COL21A1: variants seen among roughly 807,000 people sequenced by gnomAD.
The protein encoded by COL21A1 is collagen type XXI alpha 1 chain.
Under a neutral mutation model 137.9 loss-of-function variants are expected in COL21A1, and 149 were observed. The ratio of observed to expected loss-of-function variants is 1.08; its 90% CI spans 0.95 to 1.24. COL21A1 has a LOEUF of 1.24. Among genes scored for constraint, COL21A1 ranks in the 50% most tolerant of loss-of-function variants. COL21A1 has a pLI of 0.00. For missense variants in COL21A1, 1,167 were observed against 1,158.4 expected (o/e 1.01, Z -0.11); for synonymous variants, 456 against 391.5 (o/e 1.16, Z -1.95).
At chr6:56,266,565 A>G (rs1222063508) in intron 1 of COL21A1, among the ~76,000 whole-genome samples, 3 of 152,234 alleles carry the variant, frequency 2.0e-5, no homozygotes, top group Admixed American at 6.5e-5. Flanking sequence ...CTCCTGCTAG[A>G]TGCAATGCAA....
intron 1 of COL21A1, among the ~76,000 whole-genome samples, chr6:56,291,977 T>C (rs945619436): frequency 2.0e-5 from 3 of 152,122 alleles, no homozygotes; most frequent in Admixed American, 2.0e-4. Flanking sequence ...GAGACCAGCC[T>C]GGCCAACGTA....
intron 17 of COL21A1, among the ~76,000 whole-genome samples, chr6:56,090,156 T>C (rs548158579): frequency 6.6e-6 from 1 of 152,264 alleles, no homozygotes; most frequent in East Asian, 1.9e-4. Flanking sequence ...GGAGAATTGC[T>C]TGAACCCAGG....
In COL21A1 at chr6:56,126,118, A is replaced by T. The variant is rs1382522827; in HGVS notation, c.1574T>A (p.Leu525His). Residue 525 changes from leucine (L) to histidine (H), a missense_variant, in exon 13 of 30, where the codon CTT becomes CAT. Coordinates refer to ENST00000244728, the MANE Select transcript of COL21A1 (RefSeq NM_030820.4). Reference protein sequence around the residue: ...GDRGLPGFPGLHGMPGSKGEM... With the variant: ...GDRGLPGFPGHHGMPGSKGEM... Reference sequence around the variant, plus strand: ...AACCTTTGATCCTGGCATGCCATGAAGCCCAGGAAAACCAGGAAGTCCACG... The same window carrying T: ...AACCTTTGATCCTGGCATGCCATGATGCCCAGGAAAACCAGGAAGTCCACG... 2 of 1,549,024 alleles carry T rather than the reference A, an allele frequency of 1.3e-6. No individual in the cohort carries two copies. Among genetic ancestry groups the T allele is most frequent in the Non-Finnish European group, 1.7e-6 (2 of 1,145,694 alleles).
At chr6:56,165,805 A>G (rs1776529238) in intron 7 of COL21A1, among the ~76,000 whole-genome samples, 1 of 152,056 alleles carries the variant, frequency 6.6e-6, no homozygotes, top group African/African-American at 2.4e-5. Context: ...GTTGACTCAA[A>G]TATCACTGGG....
chr6:56,125,267 C>A (rs1015176568), intron 14 of COL21A1: 3 of 179,292 alleles, frequency 1.7e-5, no homozygotes, highest in Non-Finnish European at 3.5e-5. Context: ...CATCCACCCC[C>A]CTCGGCCTCC....
At chr6:56,133,737 G>C (rs62413468) in intron 12 of COL21A1, among the ~76,000 whole-genome samples, 10,895 of 152,204 alleles carry the variant, frequency 0.072, 428 homozygotes, top group Middle Eastern at 0.12. Flanking sequence ...GGTACCCTAC[G>C]TTCTAGCCAC....
chr6:56,337,848 C>G (rs1438517013), intron 1 of COL21A1, among the ~76,000 whole-genome samples: 1 of 152,126 alleles, frequency 6.6e-6, no homozygotes, highest in Non-Finnish European at 1.5e-5. Flanking sequence ...CTTACCTAGA[C>G]CAGATCGATT....
intron 9 of COL21A1, among the ~76,000 whole-genome samples, chr6:56,158,138 C>T (rs878863591): frequency 6.6e-6 from 1 of 151,506 alleles, no homozygotes; most frequent in Non-Finnish European, 1.5e-5. Flanking sequence ...TCTCTGAATT[C>T]GTGAAGTCTA....
chr6:56,321,644 C>T (rs1477836462), intron 1 of COL21A1, among the ~76,000 whole-genome samples: 1 of 152,156 alleles, frequency 6.6e-6, no homozygotes, highest in African/African-American at 2.4e-5. Flanking sequence ...ACAACACATT[C>T]GGCCCAGAAA....
intron 1 of COL21A1, among the ~76,000 whole-genome samples, chr6:56,371,504 C>G (rs994669476): frequency 6.6e-6 from 1 of 152,178 alleles, no homozygotes. Flanking sequence ...AAGTTCCCCC[C>G]ATTCACGTGG....
At chr6:56,226,057 A>T (rs551640502) in intron 1 of COL21A1, 1 of 152,240 alleles carries the variant, frequency 6.6e-6, no homozygotes, top group South Asian at 2.1e-4. Context: ...CTTCCCAAGA[A>T]TAAGAGTACA....
At position 56,070,787 on chromosome 6, in the gene COL21A1, AC is replaced by A. The variant is rs746004870; in HGVS notation, c.1976del (p.Gly659ValfsTer101). 1.3e-6 allele frequency: 2 copies of A among 1,594,522 alleles called. No homozygotes were observed. Among genetic ancestry groups the A allele is most frequent in the Non-Finnish European group, 1.7e-6 (2 of 1,173,468 alleles). ...CAGGCATCCCTTGAATTCCAGGTTCACCTTTGCTTCCCTGTCAACACATCAA... is the reference window on the plus strand; with the variant it reads ...CAGGCATCCCTTGAATTCCAGGTTCACTTTGCTTCCCTGTCAACACATCAA... ...PGTPGSKGSK[G>X]EPGIQGMPGA... On this transcript the variant is annotated frameshift_variant, in exon 21 of 30. Coordinates refer to ENST00000244728, the MANE Select transcript of COL21A1 (RefSeq NM_030820.4). LOFTEE classifies it high-confidence loss of function.
intron 1 of COL21A1, among the ~76,000 whole-genome samples, chr6:56,203,188 AC>A (rs771947795): frequency 6.6e-4 from 100 of 152,262 alleles, no homozygotes; most frequent in African/African-American, 1.7e-3. Flanking sequence ...CAACTATCTA[AC>A]CTTCCAATTC....
chr6:56,118,619 T>C (rs1044274843), intron 16 of COL21A1, among the ~76,000 whole-genome samples: 2 of 151,748 alleles, frequency 1.3e-5, no homozygotes, highest in Non-Finnish European at 3.0e-5. Context: ...GACAAAAACA[T>C]ACCACAAAAC....
At chr6:56,259,010 C>T (rs1353914070) in intron 1 of COL21A1, among the ~76,000 whole-genome samples, 1 of 152,158 alleles carries the variant, frequency 6.6e-6, no homozygotes. Flanking sequence ...ACCCATTTAA[C>T]TTTTATTCCT....
At chr6:56,167,032 T>C (rs1316414521) in intron 6 of COL21A1, 49 bp from the exon 7 acceptor site, 1 of 1,376,086 alleles carries the variant, frequency 7.3e-7, no homozygotes, top group Admixed American at 1.9e-5. Context: ...AAGCTAATTG[T>C]TTTATAAGAG....
At chr6:56,309,063 C>T (rs1176878530) in intron 1 of COL21A1, among the ~76,000 whole-genome samples, 4 of 149,956 alleles carry the variant, frequency 2.7e-5, no homozygotes, top group East Asian at 2.0e-4. Flanking sequence ...TTTTTTTCCC[C>T]GAGACAGCCT....
intron 17 of COL21A1, among the ~76,000 whole-genome samples, chr6:56,097,824 TATAA>T (rs1488028368): frequency 3.9e-5 from 2 of 51,236 alleles, no homozygotes; most frequent in Non-Finnish European, 6.8e-5. Flanking sequence ...TATAAATACA[TATAA>T]ATATATATAA....
intron 17 of COL21A1, among the ~76,000 whole-genome samples, chr6:56,085,378 T>C (rs1200518581): frequency 1.3e-5 from 2 of 152,092 alleles, no homozygotes; most frequent in Non-Finnish European, 2.9e-5. Flanking sequence ...TTTGTTCTTG[T>C]TATTTTTGTC....
Sources: gnomAD v4.1 joint callset for allele counts (sites outside exome capture counted in the v4.1 genomes callset) on GRCh38, gnomAD v4.1.1 for gene constraint, MANE v1.5 for transcripts, NCBI Gene and HGNC (gene_info 2026-07-23, HGNC 2026-07-21) for gene names.